CDH13: variants seen among roughly 807,000 people sequenced by gnomAD.
CDH13 encodes the protein cadherin 13, also known as cadherin-13.
A neutral mutation model predicts 63.8 loss-of-function variants in CDH13; 24 were observed. The ratio of observed to expected loss-of-function variants is 0.38; its 90% CI spans 0.27 to 0.53. The LOEUF is 0.53. CDH13 is among the 20% of genes least tolerant of loss of function. The pLI, the probability that CDH13 is intolerant of heterozygous loss-of-function variation, is 0.85. For missense variants in CDH13, 1,049 were observed against 903.1 expected (o/e 1.16, Z -2.07); for synonymous variants, 503 against 355.3 (o/e 1.42, Z -4.67).
At chr16:83,531,824 C>T (rs1009463091) in intron 7 of CDH13, among the ~76,000 whole-genome samples, 4 of 152,148 alleles carry the variant, frequency 2.6e-5, no homozygotes, top group African/African-American at 9.7e-5. Flanking sequence ...GACTCCTGGC[C>T]TCCAAAACTG....
Position 83,068,283 on chromosome 16 carries a change from G to C in CDH13, c.366+36065G>C, listed in dbSNP as rs183903340. On this transcript the variant is annotated intron_variant, in intron 3 of 13. Coordinates refer to ENST00000567109, the MANE Select transcript of CDH13 (RefSeq NM_001257.5). ...AGTGTCTAAAAAACCCTAAGGTTTT[G>C]CCATATAACTTTCATCCCCACTTTA... Among the ~76,000 whole-genome samples, 39 of 152,242 alleles carry C rather than the reference G, an allele frequency of 2.6e-4. No homozygotes were observed. In the Middle Eastern group the frequency reaches 0.01, roughly 40 times the overall value.
intron 6 of CDH13, among the ~76,000 whole-genome samples, chr16:83,368,269 A>T (rs1007489973): frequency 6.6e-6 from 1 of 152,216 alleles, no homozygotes; most frequent in African/African-American, 2.4e-5. Context: ...TTATACAAGT[A>T]CATGTGCACA....
intron 2 of CDH13, among the ~76,000 whole-genome samples, chr16:82,877,740 A>G (rs985823796): frequency 6.6e-6 from 1 of 152,080 alleles, no homozygotes; most frequent in Non-Finnish European, 1.5e-5. Flanking sequence ...TCCAGTCTGA[A>G]GAGCTCCTCA....
At chr16:83,429,194 C>G (rs192884923) in intron 6 of CDH13, among the ~76,000 whole-genome samples, 1 of 152,184 alleles carries the variant, frequency 6.6e-6, no homozygotes, top group Admixed American at 6.5e-5. Context: ...ATAGCATTTA[C>G]GAGAAGGTCC....
At chr16:82,767,200 T>A (rs1294838152) in intron 1 of CDH13, among the ~76,000 whole-genome samples, 2 of 152,238 alleles carry the variant, frequency 1.3e-5, no homozygotes. Flanking sequence ...AAGTGTGTAT[T>A]CTGAGTTCTA....
intron 11 of CDH13, among the ~76,000 whole-genome samples, chr16:83,775,266 C>T (rs1356489545): frequency 6.6e-6 from 1 of 151,752 alleles, no homozygotes; most frequent in Non-Finnish European, 1.5e-5. Flanking sequence ...TTGCAATCTG[C>T]GTGTCTGTGG....
intron 2 of CDH13, among the ~76,000 whole-genome samples, chr16:82,891,888 C>G (rs2041093811): frequency 6.6e-6 from 1 of 152,182 alleles, no homozygotes; most frequent in Non-Finnish European, 1.5e-5. Flanking sequence ...ACCTTGGATA[C>G]TGCTGGTCAC....
intron 3 of CDH13, among the ~76,000 whole-genome samples, chr16:83,116,291 A>G (rs1054437352): frequency 1.3e-5 from 2 of 152,134 alleles, no homozygotes; most frequent in Admixed American, 1.3e-4. Flanking sequence ...ATCAGCATCC[A>G]TACCTCACGG....
At chr16:83,010,028 A>G (rs1284339778) in intron 2 of CDH13, among the ~76,000 whole-genome samples, 3 of 150,612 alleles carry the variant, frequency 2.0e-5, no homozygotes, top group Non-Finnish European at 3.0e-5. Context: ...CCAGCTACTC[A>G]GGAGGCTGAG....
chr16:82,690,415 TAA>T (rs948122634), intron 1 of CDH13, among the ~76,000 whole-genome samples: 1 of 152,152 alleles, frequency 6.6e-6, no homozygotes, highest in Non-Finnish European at 1.5e-5. Context: ...AATTAATATC[TAA>T]GAGTCATGTT....
intron 7 of CDH13, among the ~76,000 whole-genome samples, chr16:83,578,395 G>A (rs1487968714): frequency 6.6e-6 from 1 of 152,102 alleles, no homozygotes; most frequent in African/African-American, 2.4e-5. Context: ...AGACAGGGCT[G>A]GTTAAAATTT....
At chr16:83,298,326 G>C (rs192215151) in intron 5 of CDH13, among the ~76,000 whole-genome samples, 2 of 152,048 alleles carry the variant, frequency 1.3e-5, no homozygotes, top group African/African-American at 4.8e-5. Context: ...ATCAGTGCAG[G>C]TAAAATATTA....
At chr16:83,121,046 T>C (rs1456112718) in intron 3 of CDH13, among the ~76,000 whole-genome samples, 1 of 152,100 alleles carries the variant, frequency 6.6e-6, no homozygotes, top group African/African-American at 2.4e-5. Flanking sequence ...ACAGGCGTGA[T>C]CCGCTGCGCC....
intron 13 of CDH13, among the ~76,000 whole-genome samples, chr16:83,784,574 G>T (rs1298067382): frequency 2.0e-5 from 3 of 150,310 alleles, no homozygotes; most frequent in Non-Finnish European, 2.9e-5. Flanking sequence ...GGAGGTTGCA[G>T]TGAGCCAAGA....
chr16:82,643,964 G>C (rs1043912564), intron 1 of CDH13, among the ~76,000 whole-genome samples: 3 of 152,058 alleles, frequency 2.0e-5, no homozygotes, highest in Admixed American at 6.6e-5. Flanking sequence ...TGCCCATGCT[G>C]GTCTCGAACT....
At chr16:83,185,113 G>A (rs1394849626) in intron 4 of CDH13, among the ~76,000 whole-genome samples, 2 of 152,088 alleles carry the variant, frequency 1.3e-5, no homozygotes, top group East Asian at 1.9e-4. Context: ...TAAAGAAACT[G>A]AGGCACAGAA....
chr16:82,643,395 T>A (rs1012406437), intron 1 of CDH13, among the ~76,000 whole-genome samples: 1 of 152,164 alleles, frequency 6.6e-6, no homozygotes, highest in East Asian at 1.9e-4. Context: ...ATCCCCATTG[T>A]CCACCCTACT....
chr16:82,814,543 A>G lies in CDH13; in HGVS notation c.46-43819A>G, dbSNP rs575169029. Among the ~76,000 whole-genome samples, 5 of 152,262 alleles carry G rather than the reference A, an allele frequency of 3.3e-5. No individual in the cohort carries two copies. The East Asian group carries it at 9.7e-4, about 29-fold the overall frequency. On this transcript the variant is annotated intron_variant, in intron 1 of 13. Coordinates refer to ENST00000567109, the MANE Select transcript of CDH13 (RefSeq NM_001257.5). Reference sequence around the variant, plus strand: ...GGCTTCCAGGTTGCTGAACCCATGGAGGTTTCTGGAGGGTGGTGTGCCCAC... The same window carrying G: ...GGCTTCCAGGTTGCTGAACCCATGGGGGTTTCTGGAGGGTGGTGTGCCCAC...
intron 2 of CDH13, among the ~76,000 whole-genome samples, chr16:82,971,055 C>G (rs183144612): frequency 6.6e-6 from 1 of 152,192 alleles, no homozygotes; most frequent in South Asian, 2.1e-4. Context: ...CTGGGGCATA[C>G]TGGCCTAATT....
Sources: allele counts gnomAD v4.1 joint callset (sites outside exome capture counted in the v4.1 genomes callset), GRCh38; gene constraint gnomAD v4.1.1; transcripts MANE v1.5; gene names NCBI Gene and HGNC (gene_info 2026-07-23, HGNC 2026-07-21).